Variants in FBLN1 observed in about 807,000 individuals in gnomAD.
The protein encoded by FBLN1 is fibulin 1.
FBLN1 carries 34 observed loss-of-function variants against 89.7 expected under a neutral mutation model. The ratio of observed to expected loss-of-function variants is 0.38; its 90% CI spans 0.29 to 0.50. FBLN1 has a LOEUF of 0.50. Ranked by LOEUF, FBLN1 falls within the 20% of genes least tolerant of loss-of-function variation. The probability of loss-of-function intolerance (pLI) is 0.92; values close to 1 mark genes in which losing one functional copy is unlikely to be tolerated. For synonymous variants in FBLN1, 393 were observed against 391.3 expected, an observed-to-expected ratio of 1.00 and a Z score of -0.05; for missense variants, 777 against 988.1, an observed-to-expected ratio of 0.79 and a Z score of 2.86.
At chr22:45,547,382 T>C (rs1036889846) in intron 12 of FBLN1, among the ~76,000 whole-genome samples, 178 bp downstream of exon 12, 1 of 131,732 alleles carries the variant, frequency 7.6e-6, no homozygotes, top group Middle Eastern at 3.8e-3. Flanking sequence ...TCCCTCCAAC[T>C]GAGGTTTTTT....
rs1473997305 is a variant in FBLN1, at chr22:45,577,640, G to A, written c.1972+532G>A. Among the ~76,000 whole-genome samples the A allele has an allele frequency of 6.6e-6, 1 of 152,196 alleles. No individual in the cohort carries two copies. The highest frequency in any genetic ancestry group is 1.5e-5 in the Non-Finnish European group (1 of 68,038). Reference sequence around the variant, plus strand: ...CTCCCTACGCATCAGTTGGTAAGAGGACCAAGGCCACTCTGTGTGCACAGC... The same window carrying A: ...CTCCCTACGCATCAGTTGGTAAGAGAACCAAGGCCACTCTGTGTGCACAGC... On this transcript the variant is annotated intron_variant, in intron 16 of 16. Transcript: ENST00000327858. The surrounding 1 kb of genome is among the most constrained non-coding windows in gnomAD (Gnocchi z 6.6).
At chr22:45,584,808 C>G (rs2089070896) in intron 16 of FBLN1, among the ~76,000 whole-genome samples, 1 of 152,234 alleles carries the variant, frequency 6.6e-6, no homozygotes, top group Non-Finnish European at 1.5e-5. Flanking sequence ...TCCAACTGCC[C>G]AGGACCTACT....
intron 16 of FBLN1, among the ~76,000 whole-genome samples, chr22:45,593,092 T>A (rs546321967): frequency 6.4e-4 from 97 of 152,068 alleles, no homozygotes; most frequent in South Asian, 2.5e-3. Context: ...AACTCGAGGC[T>A]GTAACTCTAG....
At chr22:45,527,786 C>G in intron 3 of FBLN1, 61 bp from the exon 4 acceptor site, 2 of 1,598,984 alleles carry the variant, frequency 1.3e-6, no homozygotes, top group Non-Finnish European at 1.7e-6. Context: ...TGAGGCCTCT[C>G]GTGGACCCCG....
In FBLN1 at chr22:45,600,486, C is replaced by T. The variant is rs1199708160; in HGVS notation, c.*40C>T. ...CACAGCCGCAGGTGCACCTCCAGGCCAAATCATTGCTGCCAGTGACTGTGG... is the reference window on the plus strand; with the variant it reads ...CACAGCCGCAGGTGCACCTCCAGGCTAAATCATTGCTGCCAGTGACTGTGG... On this transcript the variant is annotated 3_prime_UTR_variant, in exon 17 of 17. Coordinates refer to ENST00000327858, the MANE Select transcript of FBLN1 (RefSeq NM_006486.3). 1.9e-6 allele frequency: 3 copies of T among 1,612,594 alleles called. No homozygotes were observed. In the African/African-American group the frequency reaches 4.0e-5, roughly 22 times the overall value.
At chr22:45,513,037 G>A (rs923241423) in intron 1 of FBLN1, among the ~76,000 whole-genome samples, 9 of 152,078 alleles carry the variant, frequency 5.9e-5, no homozygotes, top group African/African-American at 1.7e-4. Flanking sequence ...ATAGCTTGCC[G>A]TGTAAACCAT....
intron 1 of FBLN1, among the ~76,000 whole-genome samples, chr22:45,514,751 G>T (rs1415783011): frequency 2.0e-5 from 3 of 152,206 alleles, no homozygotes; most frequent in South Asian, 4.1e-4. Context: ...GCATGGGCAG[G>T]TGCGACATGG....
At chr22:45,548,312 T>C (rs1427089267) in intron 12 of FBLN1, among the ~76,000 whole-genome samples, 2 of 152,210 alleles carry the variant, frequency 1.3e-5, no homozygotes, top group South Asian at 2.1e-4. Flanking sequence ...CAGCCTCCCA[T>C]GCCTGGGATT....
In FBLN1 at chr22:45,583,124, G is replaced by GA. The variant is rs962314472; in HGVS notation, c.1972+6024dup. On this transcript the variant is annotated intron_variant, in intron 16 of 16. Transcript: ENST00000327858. This position sits in a 1 kb window ranked among gnomAD's most constrained non-coding sequence, Gnocchi z 4.5. ...GGGGCTGGTATCACCATTTATGTAA[G>GA]AAAAAAAAGGAAGTGCTGGCCCAGG... is the stretch of plus-strand genomic sequence containing the variant. 1.3e-5 allele frequency among the ~76,000 whole-genome samples: 2 copies of GA among 151,978 alleles called. No homozygotes were observed. The highest frequency in any genetic ancestry group is 2.9e-5 in the Non-Finnish European group (2 of 67,952).
rs561903569 is a variant in FBLN1 at position 45,553,507 on chromosome 22, C to A, written c.1697+2892C>A. Reference sequence around the variant, plus strand: ...TTTGGGCCGTTCCCAGTCTGACAGGCAGTTTGCCAGACAGTTATGTTTCTG... The same window carrying A: ...TTTGGGCCGTTCCCAGTCTGACAGGAAGTTTGCCAGACAGTTATGTTTCTG... On this transcript the variant is annotated intron_variant, in intron 14 of 16. Coordinates refer to ENST00000327858, the MANE Select transcript of FBLN1 (RefSeq NM_006486.3). 6.6e-5 allele frequency among the ~76,000 whole-genome samples: 10 copies of A among 152,336 alleles called. No homozygotes were observed. The South Asian group carries it at 2.1e-3, about 32-fold the overall frequency.
intron 3 of FBLN1, among the ~76,000 whole-genome samples, chr22:45,527,263 G>A (rs1163013679): frequency 5.3e-5 from 8 of 152,224 alleles, no homozygotes; most frequent in Non-Finnish European, 1.5e-5. Flanking sequence ...CAGGGACTTG[G>A]AAGTAACTAT....
intron 14 of FBLN1, among the ~76,000 whole-genome samples, chr22:45,573,428 C>T (rs2088966675): frequency 6.6e-6 from 1 of 151,734 alleles, no homozygotes; most frequent in Non-Finnish European, 1.5e-5. Flanking sequence ...GTAATCCCAG[C>T]ACTTTGGGAG....
Position 45,583,239 on chromosome 22 carries a change from C to T in FBLN1, c.1972+6131C>T, listed in dbSNP as rs1426435940. On this transcript the variant is annotated intron_variant, in intron 16 of 16. Transcript: ENST00000327858. The surrounding 1 kb of genome is among the most constrained non-coding windows in gnomAD (Gnocchi z 4.5). Reference sequence around the variant, plus strand: ...CCCCCAAGCCCCTCAGCCCCCCAGGCAGCTCTAAGGGCTCAGCTGCTGCAG... The same window carrying T: ...CCCCCAAGCCCCTCAGCCCCCCAGGTAGCTCTAAGGGCTCAGCTGCTGCAG... 2.0e-5 allele frequency among the ~76,000 whole-genome samples: 3 copies of T among 152,194 alleles called. No homozygotes were observed. The highest frequency in any genetic ancestry group is 7.2e-5 in the African/African-American group (3 of 41,450).
At chr22:45,524,914 G>A (rs531219113) in intron 2 of FBLN1, among the ~76,000 whole-genome samples, 3 of 152,202 alleles carry the variant, frequency 2.0e-5, no homozygotes, top group Admixed American at 6.5e-5. Flanking sequence ...GTGAAACCCC[G>A]TCTCTACAAA....
intron 14 of FBLN1, among the ~76,000 whole-genome samples, chr22:45,560,988 G>T (rs150607084): frequency 6.6e-6 from 1 of 152,140 alleles, no homozygotes; most frequent in African/African-American, 2.4e-5. Context: ...GGGCGGGGAT[G>T]TTGCCACTAC....
In FBLN1 at chr22:45,535,314, A is replaced by C; in HGVS notation, c.899A>C (p.Gln300Pro). 6.2e-7 allele frequency: 1 copy of C among 1,614,224 alleles called. No individual in the cohort carries two copies. Among genetic ancestry groups the C allele is most frequent in the Non-Finnish European group, 8.5e-7 (1 of 1,180,028 alleles). The change falls in exon 8 of 17, where the codon CAA (glutamine) becomes CCA (proline). Residue 300 changes from glutamine (Q) to proline (P), a missense_variant. Coordinates refer to ENST00000327858, the MANE Select transcript of FBLN1 (RefSeq NM_006486.3). Reference sequence around the variant, plus strand: ...CTACAGTGCAAGAGTGGCTTTATACAAGATGCTCTAGGCAACTGTATTGGT... The same window carrying C: ...CTACAGTGCAAGAGTGGCTTTATACCAGATGCTCTAGGCAACTGTATTGGT... Reference protein sequence around the residue: ...PKLQCKSGFIQDALGNCIDIN... With the variant: ...PKLQCKSGFIPDALGNCIDIN...
intron 10 of FBLN1, 124 bp downstream of exon 10, chr22:45,542,407 C>A: frequency 7.4e-7 from 1 of 1,342,664 alleles, no homozygotes; most frequent in Non-Finnish European, 1.0e-6. Flanking sequence ...GCAGGCAGAC[C>A]CTGAGAGAAG....
At chr22:45,504,643 C>G (rs2087993984) in intron 1 of FBLN1, among the ~76,000 whole-genome samples, 1 of 152,150 alleles carries the variant, frequency 6.6e-6, no homozygotes, top group Non-Finnish European at 1.5e-5. Context: ...GTAAAACTCT[C>G]CCTGGCCCCG....
chr22:45,598,364 C>T (rs911995225), intron 16 of FBLN1, among the ~76,000 whole-genome samples: 7 of 152,224 alleles, frequency 4.6e-5, no homozygotes, highest in African/African-American at 1.7e-4. Context: ...GATAGTTACC[C>T]CACATCCCCA....
Sources: allele counts gnomAD v4.1 joint callset (sites outside exome capture counted in the v4.1 genomes callset), GRCh38; gene constraint gnomAD v4.1.1; non-coding constraint Gnocchi (gnomAD v3.1); transcripts MANE v1.5; gene names NCBI Gene and HGNC (gene_info 2026-07-23, HGNC 2026-07-21).